RBFOX1: variants seen among roughly 807,000 people sequenced by gnomAD.
The protein encoded by RBFOX1 is RNA binding fox-1 homolog 1, also known as RNA binding protein fox-1 homolog 1.
In RBFOX1, 8 loss-of-function variants were observed where a neutral mutation model predicts 57.7. The ratio of observed to expected loss-of-function variants is 0.14; its 90% CI spans 0.08 to 0.25. The LOEUF (loss-of-function observed/expected upper bound fraction) is 0.25, where lower values mean the gene tolerates loss of function less well. Ranked by LOEUF, RBFOX1 falls within the 10% of genes least tolerant of loss-of-function variation. The probability of loss-of-function intolerance (pLI) is 1.00; values close to 1 mark genes in which losing one functional copy is unlikely to be tolerated. For missense variants in RBFOX1, 611 were observed against 548.5 expected (o/e 1.11, Z -1.14); for synonymous variants, 326 against 222.4 (o/e 1.47, Z -4.15).
intron 3 of RBFOX1, among the ~76,000 whole-genome samples, chr16:6,919,079 A>C (rs2073893670): frequency 6.6e-6 from 1 of 152,150 alleles, no homozygotes; most frequent in African/African-American, 2.4e-5. Context: ...TCTTGGGTTT[A>C]AGCCATTCTC....
chr16:5,765,616 T>A (rs918604130), intron 3 of RBFOX1, among the ~76,000 whole-genome samples: 3 of 152,182 alleles, frequency 2.0e-5, no homozygotes, highest in African/African-American at 7.2e-5. Context: ...CTGCTATGGA[T>A]TCTCTGCAAA....
intron 2 of RBFOX1, among the ~76,000 whole-genome samples, chr16:5,511,839 G>T (rs1321415596): frequency 6.6e-6 from 1 of 152,132 alleles, no homozygotes. Flanking sequence ...GAGACCAGAA[G>T]GGTGACTGAG....
intron 3 of RBFOX1, among the ~76,000 whole-genome samples, chr16:5,846,319 C>G: frequency 6.6e-6 from 1 of 152,068 alleles, no homozygotes; most frequent in East Asian, 1.9e-4. Context: ...AGGGCACCCC[C>G]CTCTTAAAGT....
chr16:6,235,838 G>C (rs970425228), intron 1 of RBFOX1, among the ~76,000 whole-genome samples: 1 of 152,022 alleles, frequency 6.6e-6, no homozygotes, highest in Non-Finnish European at 1.5e-5. Flanking sequence ...TGATACAATG[G>C]ACTCTGGGGA....
chr16:7,611,700 G>A (rs2057502498), intron 10 of RBFOX1, among the ~76,000 whole-genome samples: 1 of 152,072 alleles, frequency 6.6e-6, no homozygotes, highest in South Asian at 2.1e-4. Context: ...TGCACTTAAT[G>A]AGGACCTTTA....
intron 3 of RBFOX1, among the ~76,000 whole-genome samples, chr16:6,958,854 G>A (rs1430850243): frequency 6.6e-6 from 1 of 152,068 alleles, no homozygotes; most frequent in African/African-American, 2.4e-5. Context: ...TTTCAAGGAG[G>A]TATCTTTTAT....
intron 3 of RBFOX1, among the ~76,000 whole-genome samples, chr16:6,870,009 G>A (rs560016095): frequency 3.1e-4 from 47 of 152,244 alleles, no homozygotes; most frequent in African/African-American, 1.1e-3. Flanking sequence ...CGTTGATGCT[G>A]TGAGATCTAT....
intron 4 of RBFOX1, among the ~76,000 whole-genome samples, chr16:7,428,479 A>C (rs1006397476): frequency 6.8e-6 from 1 of 146,754 alleles, no homozygotes; most frequent in African/African-American, 2.5e-5. Context: ...GGCATCCACT[A>C]CCACTCCTGG....
At chr16:6,321,238 G>A (rs1330461892) in intron 2 of RBFOX1, among the ~76,000 whole-genome samples, 1 of 152,090 alleles carries the variant, frequency 6.6e-6, no homozygotes, top group Admixed American at 6.6e-5. Context: ...TTTGTGTCCG[G>A]AGAGTTCATT....
At chr16:6,231,216 T>TTGTG (rs530803836) in intron 1 of RBFOX1, among the ~76,000 whole-genome samples, 2,727 of 145,106 alleles carry the variant, frequency 0.019, 87 homozygotes, top group South Asian at 0.085. Flanking sequence ...GTGTATGTGT[T>TTGTG]TGTGTGTGTG....
At position 7,710,697 on chromosome 16, in the gene RBFOX1, G is replaced by A. The variant is rs756984329; in HGVS notation, c.1146G>A (p.Leu382=). 2.2e-5 allele frequency: 36 copies of A among 1,612,762 alleles called. No homozygotes were observed. The highest frequency in any genetic ancestry group is 3.1e-5 in the Non-Finnish European group (36 of 1,179,256). The change falls in exon 16 of 16, where the codon TTG becomes TTA. Residue 382 remains leucine, a synonymous_variant. Coordinates refer to ENST00000550418, the MANE Select transcript of RBFOX1 (RefSeq NM_018723.4). ...ATGTGGGTCTCGTTCTTTCTTCATT[G>A]CAGGCTAGTATATACCGAGGGGGAT... ...ADDVGLVLSS[L]QASIYRGGYN...
intron 3 of RBFOX1, among the ~76,000 whole-genome samples, chr16:5,687,697 C>T (rs1796174448): frequency 6.6e-6 from 1 of 152,160 alleles, no homozygotes; most frequent in Non-Finnish European, 1.5e-5. Context: ...TCAGCTTTAG[C>T]ACTGGAAATC....
At chr16:6,393,889 G>C (rs1419830727) in intron 2 of RBFOX1, among the ~76,000 whole-genome samples, 1 of 152,186 alleles carries the variant, frequency 6.6e-6, no homozygotes, top group Non-Finnish European at 1.5e-5. Flanking sequence ...AACCAGCCCT[G>C]TCCCAGGCAA....
intron 1 of RBFOX1, among the ~76,000 whole-genome samples, chr16:6,067,725 C>G (rs557188466): frequency 6.6e-6 from 1 of 152,108 alleles, no homozygotes; most frequent in South Asian, 2.1e-4. Context: ...TGAGGAAGAG[C>G]TGTTACTTGC....
chr16:6,475,756 C>T (rs776898557), intron 2 of RBFOX1, among the ~76,000 whole-genome samples: 11 of 152,056 alleles, frequency 7.2e-5, no homozygotes, highest in Non-Finnish European at 1.2e-4. Context: ...GTGGAGCTTG[C>T]TTTGTGCTTT....
chr16:7,274,631 TTTTA>T (rs71391613), intron 4 of RBFOX1, among the ~76,000 whole-genome samples: 142 of 151,524 alleles, frequency 9.4e-4, no homozygotes, highest in Middle Eastern at 3.4e-3. Flanking sequence ...GGTCATTAGT[TTTTA>T]TTTATTTATT....
intron 1 of RBFOX1, among the ~76,000 whole-genome samples, chr16:6,214,764 G>A (rs116321959): frequency 0.026 from 2,522 of 96,604 alleles, 121 homozygotes; most frequent in African/African-American, 0.093. Flanking sequence ...GGAGAGAGAA[G>A]GAGAGAGAGA....
chr16:5,363,107 C>T (rs1434360136), intron 1 of RBFOX1, among the ~76,000 whole-genome samples: 1 of 142,146 alleles, frequency 7.0e-6, no homozygotes, highest in Non-Finnish European at 1.5e-5. Flanking sequence ...GATCTCGGCT[C>T]ACTGCAACCT....
intron 4 of RBFOX1, among the ~76,000 whole-genome samples, chr16:7,100,623 C>T (rs2062523795): frequency 7.0e-6 from 1 of 143,318 alleles, no homozygotes; most frequent in South Asian, 2.2e-4. Flanking sequence ...ACCCATTTGC[C>T]TACTGTTGGA....
Sources: allele counts gnomAD v4.1 joint callset (sites outside exome capture counted in the v4.1 genomes callset), GRCh38; gene constraint gnomAD v4.1.1; transcripts MANE v1.5; gene names NCBI Gene and HGNC (gene_info 2026-07-23, HGNC 2026-07-21).